The following STXBP4 variants were observed in gnomAD, a reference collection of about 807,000 sequenced individuals.
STXBP4 encodes the protein syntaxin binding protein 4, also known as syntaxin-binding protein 4.
A neutral mutation model predicts 76.1 loss-of-function variants in STXBP4; 55 were observed. That is an observed-to-expected ratio of 0.72 (90% CI 0.58 to 0.91). The LOEUF is 0.91. Among genes scored for constraint, STXBP4 ranks in the 40% least tolerant of loss-of-function variants. The probability of loss-of-function intolerance (pLI) is 0.00; values close to 1 mark genes in which losing one functional copy is unlikely to be tolerated. For synonymous variants in STXBP4, 201 were observed against 220.2 expected (o/e 0.91, Z 0.77); for missense variants, 618 against 636.9 (o/e 0.97, Z 0.32).
intron 12 of STXBP4, among the ~76,000 whole-genome samples, chr17:55,056,661 C>T (rs999228215): frequency 6.6e-6 from 1 of 151,970 alleles, no homozygotes. Flanking sequence ...ATGATCATGC[C>T]GCTGCACTCC....
intron 9 of STXBP4, among the ~76,000 whole-genome samples, chr17:55,032,868 C>A (rs546818871): frequency 6.6e-6 from 1 of 152,190 alleles, no homozygotes; most frequent in South Asian, 2.1e-4. Context: ...ACCAGATTGC[C>A]CTGTAGTGAA....
intron 12 of STXBP4, among the ~76,000 whole-genome samples, chr17:55,051,102 A>G (rs962268774): frequency 3.3e-5 from 5 of 152,194 alleles, no homozygotes; most frequent in Non-Finnish European, 7.4e-5. Context: ...TTGATTACCT[A>G]CAACATGGGT....
the STXBP4 span, among the ~76,000 whole-genome samples, chr17:55,211,799 G>GTTTTTTTTTTTTTTTTT: frequency 2.0e-5 from 1 of 48,980 alleles, no homozygotes; most frequent in Non-Finnish European, 4.1e-5. Flanking sequence ...GTTTTTTGTT[G>GTTTTTTTTTTTTTTTTT]TTTTTTTTTT....
rs115773702 is a variant in STXBP4 at position 55,033,593 on chromosome 17, C to T, written c.764-575C>T. 3.2e-3 allele frequency among the ~76,000 whole-genome samples: 491 copies of T among 152,216 alleles called. 4 individuals are homozygous for T. The highest frequency in any genetic ancestry group is 0.011 in the African/African-American group (477 of 41,560). On this transcript the variant is annotated intron_variant, in intron 9 of 17. Coordinates refer to ENST00000376352, the MANE Select transcript of STXBP4 (RefSeq NM_178509.6). ...GATACATAGATGAGTAAGTTACTCT[C>T]CTTGTCAGAAGAAGCCTATGAACTG...
chr17:55,058,375 C>A (rs1318762896), intron 12 of STXBP4, among the ~76,000 whole-genome samples: 1 of 152,150 alleles, frequency 6.6e-6, no homozygotes, highest in Non-Finnish European at 1.5e-5. Context: ...CTGTTCATAT[C>A]CTTCACCCAC....
intron 16 of STXBP4, among the ~76,000 whole-genome samples, chr17:55,093,057 C>T (rs749815416): frequency 2.6e-5 from 4 of 152,014 alleles, no homozygotes; most frequent in Non-Finnish European, 5.9e-5. Flanking sequence ...TGCAGTGGCG[C>T]AATCTCGGCT....
At chr17:55,015,201 C>T (rs534361640) in intron 8 of STXBP4, among the ~76,000 whole-genome samples, 1 of 152,270 alleles carries the variant, frequency 6.6e-6, no homozygotes, top group African/African-American at 2.4e-5. Flanking sequence ...TTATAGTGGA[C>T]ATCAGTGAAT....
At chr17:54,973,008 G>A (rs534717148) in intron 1 of STXBP4, among the ~76,000 whole-genome samples, 1 of 152,138 alleles carries the variant, frequency 6.6e-6, no homozygotes, top group African/African-American at 2.4e-5. Context: ...AAAGTGACGA[G>A]GAAGAAAGAA....
intron 16 of STXBP4, among the ~76,000 whole-genome samples, chr17:55,128,925 C>CTTTTTT (rs35073950): frequency 1.2e-5 from 1 of 86,290 alleles, no homozygotes; most frequent in East Asian, 3.4e-4. Context: ...TGTAAGGATT[C>CTTTTTT]TTTTTTTTTT....
At position 55,172,742 on chromosome 17, in the gene STXBP4, G is replaced by C. The variant is rs2080413804; in HGVS notation, c.*12831G>C. On this transcript the variant is annotated 3_prime_UTR_variant, in exon 18 of 18. Transcript: ENST00000376352. Reference sequence around the variant, plus strand: ...AAAAACTAAGGCTCGGATGAGTTATGTGACTTCCCTGAGTCATGTTAGAGT... The same window carrying C: ...AAAAACTAAGGCTCGGATGAGTTATCTGACTTCCCTGAGTCATGTTAGAGT... 6.6e-6 allele frequency: 1 copy of C among 152,184 alleles called. No homozygotes were observed. Among genetic ancestry groups the C allele is most frequent in the Non-Finnish European group, 1.5e-5 (1 of 68,040 alleles). The allele number at this position is 152,184 out of a possible 1,614,324, so 9.4% of individuals were successfully genotyped here.
chr17:55,111,532 G>A (rs244363), intron 16 of STXBP4, among the ~76,000 whole-genome samples: 94,839 of 151,606 alleles, frequency 0.63, 30,306 homozygotes, highest in African/African-American at 0.75. Flanking sequence ...ATGGGTTAAC[G>A]CCATCCCGTT....
At chr17:55,174,334 A>G (rs2628311), downstream of STXBP4, among the ~76,000 whole-genome samples, 2 of 152,044 alleles carry the variant, frequency 1.3e-5, no homozygotes, top group African/African-American at 4.8e-5. Flanking sequence ...CAGTTGCTCC[A>G]TGCCCTTGTC....
intron 8 of STXBP4, among the ~76,000 whole-genome samples, chr17:55,007,817 C>T (rs1478170943): frequency 1.3e-5 from 2 of 152,112 alleles, no homozygotes; most frequent in Non-Finnish European, 2.9e-5. Context: ...TCTTTCATAA[C>T]TAAATTGGCA....
At chr17:55,111,556 T>C (rs244362) in intron 16 of STXBP4, among the ~76,000 whole-genome samples, 97,869 of 151,558 alleles carry the variant, frequency 0.65, 32,573 homozygotes, top group African/African-American at 0.81. Flanking sequence ...GCTGTCCTCA[T>C]GAGAGTACCT....
At chr17:54,998,670 A>T (rs2077854669) in intron 4 of STXBP4, among the ~76,000 whole-genome samples, 1 of 152,118 alleles carries the variant, frequency 6.6e-6, no homozygotes, top group African/African-American at 2.4e-5. Flanking sequence ...GATTATGCTG[A>T]AATATGGGTA....
At chr17:55,195,555 T>C in the STXBP4 span, among the ~76,000 whole-genome samples, 2 of 152,178 alleles carry the variant, frequency 1.3e-5, no homozygotes, top group African/African-American at 4.8e-5. Context: ...CAAGTGGTTC[T>C]CCCAACTCAG....
At chr17:54,977,682 C>T (rs984979079) in intron 1 of STXBP4, among the ~76,000 whole-genome samples, 1 of 152,060 alleles carries the variant, frequency 6.6e-6, no homozygotes. Context: ...ATAGTCATTC[C>T]TGATTTTGCC....
intron 8 of STXBP4, among the ~76,000 whole-genome samples, chr17:55,008,912 A>G (rs529960064): frequency 2.6e-5 from 4 of 152,330 alleles, no homozygotes; most frequent in Admixed American, 2.6e-4. Context: ...TTGAGGCAGC[A>G]TGTCCTGGAT....
At chr17:55,183,062 C>T in the STXBP4 span, among the ~76,000 whole-genome samples, 1 of 152,116 alleles carries the variant, frequency 6.6e-6, no homozygotes, top group Non-Finnish European at 1.5e-5. Context: ...ATGATTACAT[C>T]TCATAGAGTT....
Sources: gnomAD v4.1 joint callset for allele counts (sites outside exome capture counted in the v4.1 genomes callset) on GRCh38, gnomAD v4.1.1 for gene constraint, MANE v1.5 for transcripts, NCBI Gene and HGNC (gene_info 2026-07-23, HGNC 2026-07-21) for gene names.